SVEP1: variants seen among roughly 807,000 people sequenced by gnomAD.
SVEP1 encodes the protein sushi, von Willebrand factor type A, EGF and pentraxin domain containing 1.
A neutral mutation model predicts 367.3 loss-of-function variants in SVEP1; 164 were observed. The observed-to-expected ratio is 0.45, with a 90% CI of 0.39 to 0.51. The LOEUF (loss-of-function observed/expected upper bound fraction) is 0.51. SVEP1 is among the 20% of genes least tolerant of loss of function. SVEP1 has a pLI of 0.00. For synonymous variants in SVEP1, 1,666 were observed against 1,611.6 expected, an observed-to-expected ratio of 1.03 and a Z score of -0.81; for missense variants, 4,117 against 4,425.3, an observed-to-expected ratio of 0.93 and a Z score of 1.98.
chr9:110,466,760 C>CAA lies in SVEP1; in HGVS notation c.3161-736_3161-735dup, dbSNP rs71371670. On this transcript the variant is annotated intron_variant, in intron 17 of 47. Coordinates refer to ENST00000374469, the MANE Select transcript of SVEP1 (RefSeq NM_153366.4). The stretch of plus-strand genomic sequence containing the variant: ...TGGGCGACAGAGCGAGACTCCATCT[C>CAA]AAAAAAAAAAAAAAAAAAGAACTGG... Among the ~76,000 whole-genome samples, 39 of 46,404 alleles carry CAA rather than the reference C, an allele frequency of 8.4e-4. 11 individuals carry two copies. The highest frequency in any genetic ancestry group is 2.4e-3 in the African/African-American group (26 of 10,800). The allele number at this position is 46,404 out of a possible 152,430, so 30.4% of individuals were successfully genotyped here. A position where few individuals can be genotyped will look rare whatever the true frequency, so the allele number is the denominator to read the frequency against.
chr9:110,387,185 C>T (rs1827537964), intron 42 of SVEP1, 100 bp downstream of exon 42: 3 of 1,252,660 alleles, frequency 2.4e-6, no homozygotes, highest in Non-Finnish European at 3.2e-6. Context: ...TCTCTGGGCC[C>T]ATATCCCTTA....
chr9:110,447,952 G>A (rs1270073504), intron 24 of SVEP1, among the ~76,000 whole-genome samples: 2 of 124,098 alleles, frequency 1.6e-5, no homozygotes, highest in Non-Finnish European at 3.5e-5. Flanking sequence ...AAAATATCAT[G>A]CTGAGTGGAA....
intron 3 of SVEP1, among the ~76,000 whole-genome samples, chr9:110,515,522 A>G (rs1297548106): frequency 6.6e-6 from 1 of 151,934 alleles, no homozygotes; most frequent in African/African-American, 2.4e-5. Context: ...GGATGGTCTC[A>G]ATCTCCTGAC....
intron 3 of SVEP1, among the ~76,000 whole-genome samples, chr9:110,533,809 C>A (rs775505371): frequency 2.0e-5 from 3 of 152,188 alleles, no homozygotes; most frequent in Non-Finnish European, 4.4e-5. Context: ...TGAACAATAA[C>A]CCCATGCAGG....
intron 3 of SVEP1, among the ~76,000 whole-genome samples, chr9:110,516,743 T>C (rs1829809301): frequency 6.6e-6 from 1 of 152,176 alleles, no homozygotes; most frequent in Non-Finnish European, 1.5e-5. Flanking sequence ...AAAGAAGCCA[T>C]ATAACTCCAG....
intron 1 of SVEP1, among the ~76,000 whole-genome samples, chr9:110,575,382 C>T (rs571090881): frequency 6.6e-6 from 1 of 152,282 alleles, no homozygotes; most frequent in East Asian, 1.9e-4. Flanking sequence ...GGAGCTGGCA[C>T]ATGGCAGGTT....
intron 3 of SVEP1, among the ~76,000 whole-genome samples, chr9:110,530,005 C>G (rs1485735245): frequency 2.2e-5 from 1 of 46,312 alleles, no homozygotes; most frequent in Non-Finnish European, 5.0e-5. Flanking sequence ...TCACATATGG[C>G]TTTTATATTT....
intron 41 of SVEP1, among the ~76,000 whole-genome samples, chr9:110,388,721 C>A (rs1422207449): frequency 1.1e-4 from 17 of 152,132 alleles, no homozygotes; most frequent in Non-Finnish European, 1.0e-4. Flanking sequence ...ATAATCCCAG[C>A]ACTTTGGGAG....
chr9:110,534,118 A>C (rs1830052994), intron 3 of SVEP1, among the ~76,000 whole-genome samples: 1 of 152,060 alleles, frequency 6.6e-6, no homozygotes, highest in African/African-American at 2.4e-5. Context: ...AGGTTATTTC[A>C]TCACCCAGGT....
At position 110,389,577 on chromosome 9, in the gene SVEP1, T is replaced by A. The variant is rs758838434; in HGVS notation, c.9833A>T (p.Glu3278Val). The part of the protein sequence containing the change: ...EPGYELEGNR[E>V]RVCQENRQWS... Reference sequence around the variant, plus strand: ...CTGTCTGTTCTCCTGGCAGACACGTTCCCTGTTCCCCTGTGAAACAATGGA... The same window carrying A: ...CTGTCTGTTCTCCTGGCAGACACGTACCCTGTTCCCCTGTGAAACAATGGA... Residue 3278 changes from glutamate to valine, a missense_variant, in exon 41 of 48, where the codon GAA (glutamate) becomes GTA (valine). Physicochemically the swap from Glu to Val is moderately radical, Grantham distance 121 (BLOSUM62 -2). Coordinates refer to ENST00000374469, the MANE Select transcript of SVEP1 (RefSeq NM_153366.4). The A allele has an allele frequency of 6.2e-7, 1 of 1,613,778 alleles. No individual in the cohort carries two copies. The highest frequency in any genetic ancestry group is 8.5e-7 in the Non-Finnish European group (1 of 1,179,776).
rs111930571 is a variant in SVEP1, at chr9:110,417,166, G to T, written c.5976-5431C>A. ...GTCTACAGCTCCCAGCGTGAGCGAC[G>T]CAGAAGACGGGTGATTTCTGCATTT... On this transcript the variant is annotated intron_variant, in intron 36 of 47. Transcript: ENST00000374469. 8.8e-4 allele frequency among the ~76,000 whole-genome samples: 134 copies of T among 151,506 alleles called. 5 individuals carry two copies. The highest frequency in any genetic ancestry group is 3.2e-3 in the African/African-American group (132 of 41,108).
intron 16 of SVEP1, among the ~76,000 whole-genome samples, chr9:110,470,117 G>T (rs1394920674): frequency 6.6e-6 from 1 of 152,132 alleles, no homozygotes; most frequent in Non-Finnish European, 1.5e-5. Flanking sequence ...TATAAATGAT[G>T]ATTTCTTTGG....
rs1828670675 is a variant in SVEP1 at position 110,450,182 on chromosome 9, C to T, written c.3980G>A (p.Gly1327Glu). ...AGGTGGGCATTTGCACAAGAATCCCCCAACCTGGTCTTCACAGACTGCATT... is the reference window on the plus strand; with the variant it reads ...AGGTGGGCATTTGCACAAGAATCCCTCAACCTGGTCTTCACAGACTGCATT... Reference protein sequence around the residue: ...LNNAVCEDQVGGFLCKCPPGF... With the variant: ...LNNAVCEDQVEGFLCKCPPGF... Residue 1327 changes from glycine to glutamate, a missense_variant, in exon 24 of 48, where the codon GGG (glycine) becomes GAG (glutamate). Coordinates refer to ENST00000374469, the MANE Select transcript of SVEP1 (RefSeq NM_153366.4). 3.1e-6 allele frequency: 5 copies of T among 1,613,882 alleles called. No individual in the cohort carries two copies. Among genetic ancestry groups the T allele is most frequent in the South Asian group, 1.1e-5 (1 of 91,078 alleles).
At chr9:110,377,191 C>A in intron 45 of SVEP1, 80 bp downstream of exon 45, 1 of 1,316,148 alleles carries the variant, frequency 7.6e-7, no homozygotes, top group Non-Finnish European at 1.1e-6. Context: ...ACAGTACAAC[C>A]ATTTCCTGGT....
chr9:110,578,982 G>C (rs1457998597), intron 1 of SVEP1, 31 bp downstream of exon 1: 1 of 1,543,250 alleles, frequency 6.5e-7, no homozygotes, highest in Non-Finnish European at 8.7e-7. Flanking sequence ...CCGGGGACTA[G>C]GGCCCGGGTC....
At chr9:110,537,830 T>A (rs563350360) in intron 3 of SVEP1, among the ~76,000 whole-genome samples, 2 of 152,006 alleles carry the variant, frequency 1.3e-5, no homozygotes, top group African/African-American at 4.8e-5. Context: ...AACGAGGGAT[T>A]TGTAAATTTT....
intron 30 of SVEP1, among the ~76,000 whole-genome samples, chr9:110,433,071 G>C (rs1005971473): frequency 3.9e-5 from 6 of 152,192 alleles, no homozygotes; most frequent in African/African-American, 1.4e-4. Context: ...TCTTGCTCCT[G>C]CTTCTGTCAT....
intron 3 of SVEP1, among the ~76,000 whole-genome samples, chr9:110,545,632 G>C (rs1375168406): frequency 1.3e-5 from 2 of 152,154 alleles, no homozygotes; most frequent in Non-Finnish European, 2.9e-5. Flanking sequence ...CTCATAGAGA[G>C]ATTGAGGCAC....
intron 1 of SVEP1, among the ~76,000 whole-genome samples, chr9:110,570,000 T>C (rs1830535671): frequency 6.6e-6 from 1 of 152,218 alleles, no homozygotes; most frequent in Non-Finnish European, 1.5e-5. Flanking sequence ...CATATTGCAT[T>C]TTCTGAGTGC....
Sources: gnomAD v4.1 joint callset for allele counts (sites outside exome capture counted in the v4.1 genomes callset) on GRCh38, gnomAD v4.1.1 for gene constraint, MANE v1.5 for transcripts, NCBI Gene and HGNC (gene_info 2026-07-23, HGNC 2026-07-21) for gene names.